The following ASF1A variants were observed in gnomAD, a reference collection of about 807,000 sequenced individuals.
The protein encoded by ASF1A is anti-silencing function 1A histone chaperone, also known as histone chaperone ASF1A.
ASF1A carries 5 observed loss-of-function variants against 22.0 expected under a neutral mutation model. The observed-to-expected ratio is 0.23, with a 90% CI of 0.12 to 0.48. The LOEUF (loss-of-function observed/expected upper bound fraction) is 0.48, where lower values mean the gene tolerates loss of function less well. ASF1A is among the 20% of genes least tolerant of loss of function. The pLI, the probability that ASF1A is intolerant of heterozygous loss-of-function variation, is 0.99. For synonymous variants in ASF1A, 97 were observed against 86.7 expected (o/e 1.12, Z -0.66); for missense variants, 137 against 240.6 (o/e 0.57, Z 2.85).
intron 2 of ASF1A, among the ~76,000 whole-genome samples, chr6:118,902,343 TA>T (rs1223642666): frequency 2.6e-5 from 4 of 152,180 alleles, no homozygotes; most frequent in Non-Finnish European, 1.5e-5. Flanking sequence ...TAAAACAGTA[TA>T]ATCAGTCACT....
chr6:118,898,210 T>C (rs1010923495), intron 1 of ASF1A, among the ~76,000 whole-genome samples: 1 of 152,204 alleles, frequency 6.6e-6, no homozygotes, highest in South Asian at 2.1e-4. Flanking sequence ...GATAATTTGA[T>C]CTACATGATG....
rs915350264 is a variant in ASF1A at position 118,908,917 on chromosome 6, A to G, written c.*1303A>G. The G allele has an allele frequency of 7.9e-5, 12 of 152,630 alleles. No homozygotes were observed. The highest frequency in any genetic ancestry group is 2.9e-4 in the African/African-American group (12 of 41,462). The allele number at this position is 152,630 out of a possible 1,614,324, so 9.5% of individuals were successfully genotyped here. A position where few individuals can be genotyped will look rare whatever the true frequency, so the allele number is the denominator to read the frequency against. Reference sequence around the variant, plus strand: ...AAAGGAAAAGGGCATTTGTCTAAACATGGATTCTGAGTTGTATATATTTCC... The same window carrying G: ...AAAGGAAAAGGGCATTTGTCTAAACGTGGATTCTGAGTTGTATATATTTCC... On this transcript the variant is annotated 3_prime_UTR_variant, in exon 4 of 4. Coordinates refer to ENST00000229595, the MANE Select transcript of ASF1A (RefSeq NM_014034.3).
intron 1 of ASF1A, 74 bp downstream of exon 1, chr6:118,894,596 C>T (rs1779215239): frequency 7.7e-7 from 1 of 1,292,808 alleles, no homozygotes; most frequent in African/African-American, 1.5e-5. Flanking sequence ...GGCCGGGCCT[C>T]GCGCTGGGCG....
chr6:118,899,308 A>G (rs145747950), intron 1 of ASF1A, among the ~76,000 whole-genome samples: 1,581 of 152,272 alleles, frequency 0.01, 30 homozygotes, highest in African/African-American at 0.036. Flanking sequence ...AGTCCTTATG[A>G]TGGCCTTCAA....
rs756858057 is a variant in ASF1A at position 118,905,782 on chromosome 6, A to C, written c.356A>C (p.Glu119Ala). ...TATTATGTAAATAATGAATATACTG[A>C]GACAGAATTAAGGGAAAATCCACCA... is the stretch of plus-strand genomic sequence containing the variant. ...VGYYVNNEYT[E>A]TELRENPPVK... Residue 119 changes from glutamate (E) to alanine (A), a missense_variant, in exon 3 of 4, where the codon GAG becomes GCG. Glu to Ala is a moderately radical substitution (Grantham distance 107). Around this residue, in one of 2 missense-constraint regions of ASF1A, gnomAD observed 96 missense variants for 196.7 expected, o/e 0.49. Coordinates refer to ENST00000229595, the MANE Select transcript of ASF1A (RefSeq NM_014034.3). 6.2e-7 allele frequency: 1 copy of C among 1,612,050 alleles called. No individual in the cohort carries two copies. The highest frequency in any genetic ancestry group is 8.5e-7 in the Non-Finnish European group (1 of 1,178,796).
rs1045965800 is a variant in ASF1A, at chr6:118,907,620, TA to T, written c.*7del. ...CCCACATGGACTGCATGTGACCACC[TA>T]CCATCCCTTTAGTACAAATTAAGCT... On this transcript the variant is annotated 3_prime_UTR_variant, in exon 4 of 4. Coordinates refer to ENST00000229595, the MANE Select transcript of ASF1A (RefSeq NM_014034.3). 9.3e-6 allele frequency: 15 copies of T among 1,606,846 alleles called. No homozygotes were observed. The highest frequency in any genetic ancestry group is 1.3e-5 in the Non-Finnish European group (15 of 1,173,566).
At chr6:118,896,325 T>C (rs1779409212) in intron 1 of ASF1A, among the ~76,000 whole-genome samples, 1 of 152,174 alleles carries the variant, frequency 6.6e-6, no homozygotes, top group South Asian at 2.1e-4. Context: ...GATCGGTCCA[T>C]TCCAACTTAT....
chr6:118,903,044 T>C (rs1368568026), intron 2 of ASF1A, among the ~76,000 whole-genome samples: 1 of 152,230 alleles, frequency 6.6e-6, no homozygotes, highest in East Asian at 1.9e-4. Context: ...TCTACTTAAA[T>C]TTGCTCAAAC....
At chr6:118,904,100 A>G (rs1421474140) in intron 2 of ASF1A, among the ~76,000 whole-genome samples, 1 of 152,034 alleles carries the variant, frequency 6.6e-6, no homozygotes, top group East Asian at 1.9e-4. Flanking sequence ...CCAAAGAGAA[A>G]GAACATATCT....
rs1780362914 is a variant in ASF1A, at chr6:118,909,127, T to C, written c.*1513T>C. 1 of 152,036 alleles carries C rather than the reference T, an allele frequency of 6.6e-6. No individual in the cohort carries two copies. The highest frequency in any genetic ancestry group is 1.5e-5 in the Non-Finnish European group (1 of 67,982). 9.4% of individuals were successfully genotyped at this position (152,036 alleles called of 1,614,324 possible). A position where few individuals can be genotyped will look rare whatever the true frequency, so the allele number is the denominator to read the frequency against. ...TGTCTAATTGCAATTAAAAGAAAAA[T>C]GTTAAAATATTAAAATGAAAATAAA... On this transcript the variant is annotated 3_prime_UTR_variant, in exon 4 of 4. Transcript: ENST00000229595.
chr6:118,905,603 T>C, intron 2 of ASF1A, 49 bp from the exon 3 acceptor site: 1 of 1,477,290 alleles, frequency 6.8e-7, no homozygotes, highest in Non-Finnish European at 9.1e-7. Flanking sequence ...TGCCTGCCAC[T>C]AACAGCCTTT....
intron 2 of ASF1A, among the ~76,000 whole-genome samples, chr6:118,904,816 A>G (rs1780059506): frequency 6.6e-6 from 1 of 152,186 alleles, no homozygotes; most frequent in Non-Finnish European, 1.5e-5. Flanking sequence ...TCTGCTATGT[A>G]GCTATTTCCA....
chr6:118,902,580 T>C (rs544782865), intron 2 of ASF1A, among the ~76,000 whole-genome samples: 6 of 151,350 alleles, frequency 4.0e-5, no homozygotes, highest in African/African-American at 1.5e-4. Flanking sequence ...AAATGCCTTG[T>C]TATTGAAACA....
At chr6:118,902,242 G>T (rs1779845294) in intron 2 of ASF1A, among the ~76,000 whole-genome samples, 1 of 152,166 alleles carries the variant, frequency 6.6e-6, no homozygotes. Flanking sequence ...TTAGCCATGT[G>T]TGGCTTTACC....
intron 1 of ASF1A, among the ~76,000 whole-genome samples, chr6:118,898,425 ATT>A (rs34394511): frequency 5.8e-4 from 81 of 140,440 alleles, no homozygotes; most frequent in Admixed American, 6.4e-4. Context: ...TTATGTAATA[ATT>A]TTTTTTTTTT....
At position 118,907,844 on chromosome 6, in the gene ASF1A, T is replaced by C; in HGVS notation, c.*230T>C. 4.6e-6 allele frequency: 2 copies of C among 430,738 alleles called. No individual in the cohort carries two copies. The highest frequency in any genetic ancestry group is 8.3e-6 in the Non-Finnish European group (2 of 240,286). 26.7% of individuals were successfully genotyped at this position (430,738 alleles called of 1,614,324 possible). On this transcript the variant is annotated 3_prime_UTR_variant, in exon 4 of 4. Transcript: ENST00000229595. ...TATTTTATTTGTTCTGAAACTAATC[T>C]GATTAAAGCATATATATTATTTTCT... is the stretch of plus-strand genomic sequence containing the variant.
intron 3 of ASF1A, among the ~76,000 whole-genome samples, chr6:118,906,671 CTGAG>C (rs1562432753): frequency 6.6e-6 from 1 of 152,132 alleles, no homozygotes; most frequent in African/African-American, 2.4e-5. Context: ...AGCTTAAATT[CTGAG>C]TGAGAAGCTG....
At chr6:118,904,168 A>T (rs1780004247) in intron 2 of ASF1A, among the ~76,000 whole-genome samples, 4 of 152,200 alleles carry the variant, frequency 2.6e-5, no homozygotes, top group Admixed American at 2.6e-4. Context: ...TCAGTTAGAA[A>T]ATTCTAAGCA....
intron 1 of ASF1A, among the ~76,000 whole-genome samples, chr6:118,896,628 G>A (rs954568291): frequency 6.6e-6 from 1 of 152,104 alleles, no homozygotes; most frequent in African/African-American, 2.4e-5. Flanking sequence ...CACCATTACT[G>A]AGCATTTATT....
Sources: gnomAD v4.1 joint callset for allele counts (sites outside exome capture counted in the v4.1 genomes callset) on GRCh38, gnomAD v4.1.1 for gene constraint, gnomAD v4.1.1 regional missense constraint, MANE v1.5 for transcripts, NCBI Gene and HGNC (gene_info 2026-07-23, HGNC 2026-07-21) for gene names.